The following WNT5A variants were observed in gnomAD, a reference collection of about 807,000 sequenced individuals.
WNT5A encodes the protein Wnt family member 5A.
A neutral mutation model predicts 42.1 loss-of-function variants in WNT5A; 9 were observed. That is an observed-to-expected ratio of 0.21 (90% CI 0.13 to 0.37). The LOEUF is 0.37. Ranked by LOEUF, WNT5A falls within the 10% of genes least tolerant of loss-of-function variation. The probability of loss-of-function intolerance (pLI) is 1.00; values close to 1 mark genes in which losing one functional copy is unlikely to be tolerated. For missense variants in WNT5A, 426 were observed against 534.0 expected (o/e 0.80, Z 1.99); for synonymous variants, 210 against 210.0 (o/e 1.00, Z 0.00).
At chr3:55,484,649 G>A (rs189231001) in intron 1 of WNT5A, among the ~76,000 whole-genome samples, 192 of 149,768 alleles carry the variant, frequency 1.3e-3, no homozygotes, top group African/African-American at 4.6e-3. Flanking sequence ...CTGCCCCCTC[G>A]TCCATCCCTT....
At chr3:55,486,913 T>G (rs1344888031) in intron 1 of WNT5A, 67 bp downstream of exon 1, 14 of 1,173,070 alleles carry the variant, frequency 1.2e-5, no homozygotes, top group Non-Finnish European at 1.8e-5. Context: ...CGAAGGGAAC[T>G]CAGTTAACTT....
At chr3:55,497,070 G>A in the WNT5A span, among the ~76,000 whole-genome samples, 1 of 152,120 alleles carries the variant, frequency 6.6e-6, no homozygotes, top group Non-Finnish European at 1.5e-5. Flanking sequence ...TATTGTACGT[G>A]CCAGATCACA....
the WNT5A span, chr3:55,497,540 C>A: frequency 6.6e-6 from 1 of 152,236 alleles, no homozygotes; most frequent in African/African-American, 2.4e-5. Context: ...CCCACTACCC[C>A]ACAGCAAATA....
At chr3:55,499,638 CA>C in the WNT5A span, among the ~76,000 whole-genome samples, 186 of 152,210 alleles carry the variant, frequency 1.2e-3, no homozygotes, top group Non-Finnish European at 1.8e-3. Context: ...TAAATTTTCA[CA>C]GGGGAGAAGA....
chr3:55,496,918 C>T, the WNT5A span, among the ~76,000 whole-genome samples: 1 of 152,254 alleles, frequency 6.6e-6, no homozygotes, highest in Non-Finnish European at 1.5e-5. Flanking sequence ...GGGCCATAGA[C>T]ATGACTGATA....
chr3:55,474,314 C>T (rs751225518), intron 4 of WNT5A, 23 bp downstream of exon 4: 11 of 1,612,000 alleles, frequency 6.8e-6, no homozygotes, highest in Non-Finnish European at 8.5e-6. Context: ...AGATGCGGGG[C>T]GGGGGCGAGA....
rs922203846 is a variant in WNT5A, at chr3:55,487,150, A to G, written c.-165T>C. On this transcript the variant is annotated 5_prime_UTR_variant, in exon 1 of 5. Coordinates refer to ENST00000264634, the MANE Select transcript of WNT5A (RefSeq NM_003392.7). ...GCAGTGAACCGGAGCTGAAGCGGGC[A>G]CTGGCGCCCGGGCCTGGACTCCCGA... 1.6e-6 allele frequency: 1 copy of G among 613,026 alleles called. No homozygotes were observed. The highest frequency in any genetic ancestry group is 2.8e-6 in the Non-Finnish European group (1 of 352,092). 38.0% of individuals were successfully genotyped at this position (613,026 alleles called of 1,614,324 possible).
At chr3:55,486,941 G>C (rs769497748) in intron 1 of WNT5A, 39 bp downstream of exon 1, 2 of 1,511,996 alleles carry the variant, frequency 1.3e-6, no homozygotes, top group Non-Finnish European at 1.8e-6. Context: ...GGGGTGGGGG[G>C]AAGTAAAGAA....
intron 3 of WNT5A, chr3:55,479,036 C>A (rs868265908): frequency 2.0e-5 from 5 of 250,482 alleles, no homozygotes; most frequent in Middle Eastern, 1.2e-3. Flanking sequence ...TGTTCTGCTT[C>A]TATTTTAAAC....
chr3:55,482,698 G>T (rs1011039399), intron 1 of WNT5A, among the ~76,000 whole-genome samples: 4 of 152,312 alleles, frequency 2.6e-5, no homozygotes, highest in African/African-American at 7.2e-5. Context: ...CAAAGCTGGG[G>T]GGCGCATCCT....
At position 55,470,472 on chromosome 3, in the gene WNT5A, G is replaced by C. The variant is rs761827056; in HGVS notation, c.763C>G (p.Gln255Glu). ...CCCACCTTGCGGAAGTCTGCCAGCTGCAGCCAGCATGTCTTCAGGCTACAT... is the reference window on the plus strand; with the variant it reads ...CCCACCTTGCGGAAGTCTGCCAGCTCCAGCCAGCATGTCTTCAGGCTACAT... ...GSCSLKTCWL[Q>E]LADFRKVGDA... Residue 255 changes from glutamine to glutamate, a missense_variant, in exon 5 of 5, where the codon CAG becomes GAG. Gln to Glu is a conservative substitution (Grantham distance 29, BLOSUM62 2). Transcript: ENST00000264634. 6.2e-7 allele frequency: 1 copy of C among 1,608,786 alleles called. No homozygotes were observed. The highest frequency in any genetic ancestry group is 8.5e-7 in the Non-Finnish European group (1 of 1,177,464).
chr3:55,482,062 C>G (rs2051475702), intron 1 of WNT5A, among the ~76,000 whole-genome samples: 2 of 152,200 alleles, frequency 1.3e-5, no homozygotes, highest in South Asian at 4.1e-4. Flanking sequence ...CTAGCCTCTC[C>G]AGCCCAACTC....
intron 3 of WNT5A, among the ~76,000 whole-genome samples, chr3:55,474,891 G>T (rs2051326055): frequency 7.8e-6 from 1 of 128,696 alleles, no homozygotes; most frequent in Non-Finnish European, 1.6e-5. Flanking sequence ...GGGGCAGGTA[G>T]GGCTGGGGGG....
chr3:55,491,350 C>A (rs2051657170), upstream of WNT5A, among the ~76,000 whole-genome samples: 1 of 152,178 alleles, frequency 6.6e-6, no homozygotes, highest in Admixed American at 6.5e-5. Context: ...TGTGGAACTT[C>A]ATGTTTCCCC....
the WNT5A span, among the ~76,000 whole-genome samples, chr3:55,502,737 T>C: frequency 6.6e-6 from 1 of 152,206 alleles, no homozygotes; most frequent in Non-Finnish European, 1.5e-5. Flanking sequence ...AAAGAAACAT[T>C]GAAAACCACG....
At chr3:55,499,635 T>TC in the WNT5A span, among the ~76,000 whole-genome samples, 1 of 152,154 alleles carries the variant, frequency 6.6e-6, no homozygotes, top group African/African-American at 2.4e-5. Context: ...ATCTAAATTT[T>TC]CACAGGGGAG....
chr3:55,485,289 G>A (rs1265240635), intron 1 of WNT5A, among the ~76,000 whole-genome samples: 2 of 146,086 alleles, frequency 1.4e-5, no homozygotes, highest in African/African-American at 4.9e-5. Context: ...CCGCACCGCG[G>A]GGAAGAAAAG....
At position 55,474,526 on chromosome 3, in the gene WNT5A, G is replaced by T. The variant is rs2051314412; in HGVS notation, c.495C>A (p.Ser165Arg). 6.4e-7 allele frequency: 1 copy of T among 1,562,862 alleles called. No homozygotes were observed. Among genetic ancestry groups the T allele is most frequent in the African/African-American group, 1.4e-5 (1 of 73,508 alleles). The change falls in exon 4 of 5, where the codon AGC (serine) becomes AGA (arginine). Residue 165 changes from serine (S) to arginine (R), a missense_variant. Transcript: ENST00000264634. The part of the protein sequence containing the change: ...REGELSTCGC[S>R]RAARPKDLPR... ...GCAGGTCCTTGGGGCGCGCGGCGCG[G>T]CTGCAGCCGCAGGTGGACAGCTCGC... is the stretch of plus-strand genomic sequence containing the variant.
chr3:55,499,747 G>T, the WNT5A span, among the ~76,000 whole-genome samples: 18 of 152,248 alleles, frequency 1.2e-4, no homozygotes, highest in African/African-American at 4.3e-4. Context: ...GCCAAGGCAG[G>T]CAGATCATTT....
Sources: allele counts gnomAD v4.1 joint callset (sites outside exome capture counted in the v4.1 genomes callset), GRCh38; gene constraint gnomAD v4.1.1; transcripts MANE v1.5; gene names NCBI Gene and HGNC (gene_info 2026-07-23, HGNC 2026-07-21).